The following RBM19 variants were observed in gnomAD, a reference collection of about 807,000 sequenced individuals.
The protein encoded by RBM19 is probable RNA-binding protein 19.
Under a neutral mutation model 116.8 loss-of-function variants are expected in RBM19, and 94 were observed. The ratio of observed to expected loss-of-function variants is 0.80; its 90% CI spans 0.68 to 0.95. The LOEUF is 0.95. Among genes scored for constraint, RBM19 ranks in the 40% least tolerant of loss-of-function variants. The pLI is 0.00. For missense variants in RBM19, 1,161 were observed against 1,220.7 expected (o/e 0.95, Z 0.73); for synonymous variants, 475 against 494.1 (o/e 0.96, Z 0.51).
chr12:113,921,164 T>C (rs999163430), intron 18 of RBM19, among the ~76,000 whole-genome samples: 1 of 152,196 alleles, frequency 6.6e-6, no homozygotes, highest in South Asian at 2.1e-4. Context: ...GATATAAAGT[T>C]TGGATCATGT....
intron 23 of RBM19, among the ~76,000 whole-genome samples, chr12:113,835,431 T>C (rs1464709478): frequency 6.6e-6 from 1 of 152,026 alleles, no homozygotes; most frequent in Non-Finnish European, 1.5e-5. Context: ...CGGCAGGCTG[T>C]GGTACTCGAG....
rs775051879 is a variant in RBM19 at position 113,898,455 on chromosome 12, C to T, written c.2558+16514G>A. Among the ~76,000 whole-genome samples the T allele has an allele frequency of 5.3e-5, 8 of 152,166 alleles. No individual in the cohort carries two copies. Among genetic ancestry groups the T allele is most frequent in the Non-Finnish European group, 1.2e-4 (8 of 68,024 alleles). ...ACCAACTGGCAACAAGAGATCAATT[C>T]ACTGGGATGAACAATGAAACATTTT... is the stretch of plus-strand genomic sequence containing the variant. On this transcript the variant is annotated intron_variant, in intron 21 of 23. Transcript: ENST00000261741. The surrounding 1 kb of genome is among the most constrained non-coding windows in gnomAD (Gnocchi z 4.3).
intron 21 of RBM19, among the ~76,000 whole-genome samples, chr12:113,892,306 C>T (rs564630781): frequency 2.0e-5 from 3 of 152,074 alleles, no homozygotes; most frequent in Admixed American, 1.3e-4. Flanking sequence ...CTCATCTGTG[C>T]GGTGGTGATA....
chr12:113,929,583 G>C (rs1869422608), intron 16 of RBM19, among the ~76,000 whole-genome samples: 1 of 152,230 alleles, frequency 6.6e-6, no homozygotes, highest in African/African-American at 2.4e-5. Context: ...ATGCAAGGCA[G>C]CTAAGACTTC....
rs767573998 is a variant in RBM19 at position 113,957,929 on chromosome 12, A to C, written c.693T>G (p.Asp231Glu). The C allele has an allele frequency of 4.9e-5, 79 of 1,614,022 alleles. No individual in the cohort carries two copies. Among genetic ancestry groups the C allele is most frequent in the Admixed American group, 1.7e-4 (10 of 59,996 alleles). The change falls in exon 6 of 24, where the codon GAT (aspartate) becomes GAG (glutamate). Residue 231 changes from aspartate (D) to glutamate (E), a missense_variant. By Grantham distance (45) the Asp-to-Glu change is conservative (BLOSUM62 2). Coordinates refer to ENST00000261741, the MANE Select transcript of RBM19 (RefSeq NM_016196.4). ...TCCCTTCATCACAGTGCACGGCTTC[A>C]TCTTCACTTTCCTCTTCCTCCGAGG... ...SSSSEEEESEDEAVHCDEGSE... is the reference protein window; with the variant it reads ...SSSSEEEESEEEAVHCDEGSE...
At position 113,957,858 on chromosome 12, in the gene RBM19, T is replaced by A. The variant is rs763938450; in HGVS notation, c.764A>T (p.Glu255Val). 6.8e-6 allele frequency: 11 copies of A among 1,613,964 alleles called. No individual in the cohort carries two copies. The highest frequency in any genetic ancestry group is 1.3e-5 in the African/African-American group (1 of 74,922). The change falls in exon 6 of 24, where the codon GAA becomes GTA. Residue 255 changes from glutamate (E) to valine (V), a missense_variant. Coordinates refer to ENST00000261741, the MANE Select transcript of RBM19 (RefSeq NM_016196.4). The stretch of plus-strand genomic sequence containing the variant: ...TTGGCCTGCACCCTTGCTGTCTCTT[T>A]CCTGCAGGACTGGGGTGGCGGAGGA... Reference protein sequence around the residue: ...EDSSATPVLQERDSKGAGQEQ... With the variant: ...EDSSATPVLQVRDSKGAGQEQ...
chr12:113,933,975 T>C (rs1183666632), intron 16 of RBM19, among the ~76,000 whole-genome samples: 3 of 152,180 alleles, frequency 2.0e-5, no homozygotes, highest in Non-Finnish European at 2.9e-5. Flanking sequence ...ATTTTTGAGA[T>C]AGGGTCTTGC....
chr12:113,897,124 T>C (rs2135818165), intron 21 of RBM19, among the ~76,000 whole-genome samples: 1 of 152,314 alleles, frequency 6.6e-6, no homozygotes, highest in East Asian at 1.9e-4. Flanking sequence ...CGGCAAGTAT[T>C]TATTATGATC....
chr12:113,934,947 C>A (rs1391775314), intron 16 of RBM19, among the ~76,000 whole-genome samples: 1 of 152,208 alleles, frequency 6.6e-6, no homozygotes, highest in Non-Finnish European at 1.5e-5. Context: ...AACCGAGCTT[C>A]CCTATGCCTG....
Position 113,844,661 on chromosome 12 carries a change from C to G in RBM19, c.2785+7G>C. 6.2e-7 allele frequency: 1 copy of G among 1,609,738 alleles called. No homozygotes were observed. The highest frequency in any genetic ancestry group is 8.5e-7 in the Non-Finnish European group (1 of 1,178,198). On this transcript the variant is annotated splice_region_variant and intron_variant, in intron 23 of 23. Coordinates refer to ENST00000261741, the MANE Select transcript of RBM19 (RefSeq NM_016196.4). ...TGAGTCAGCCCAAAAGACCGTCCCG[C>G]TCCTACCGTGAAAGTGAGCGGCCGT...
At chr12:113,932,277 G>C (rs577505201) in intron 16 of RBM19, among the ~76,000 whole-genome samples, 1 of 152,336 alleles carries the variant, frequency 6.6e-6, no homozygotes, top group South Asian at 2.1e-4. Context: ...TGATGAGAAT[G>C]AATGCAGAGC....
At chr12:113,914,090 A>G (rs915098699) in intron 21 of RBM19, among the ~76,000 whole-genome samples, 4 of 152,252 alleles carry the variant, frequency 2.6e-5, no homozygotes, top group African/African-American at 9.6e-5. Flanking sequence ...CAGCGTAGGG[A>G]TCACCAACTA....
chr12:113,936,333 A>G (rs1182371354), intron 16 of RBM19, among the ~76,000 whole-genome samples: 1 of 152,202 alleles, frequency 6.6e-6, no homozygotes, highest in African/African-American at 2.4e-5. Flanking sequence ...TTAGACTATG[A>G]GGTCCTCGAT....
rs547897025 is a variant in RBM19 at position 113,893,361 on chromosome 12, C to A, written c.2558+21608G>T. On this transcript the variant is annotated intron_variant, in intron 21 of 23. Transcript: ENST00000261741. ...GACATGCTGTTCTTGAACTTCTGGG[C>A]TCAAGCAATCCGCCCGCCTTGCCCT... Among the ~76,000 whole-genome samples the A allele has an allele frequency of 3.3e-5, 5 of 152,094 alleles. No individual in the cohort carries two copies. The South Asian group carries it at 1.0e-3, about 32-fold the overall frequency.
intron 21 of RBM19, among the ~76,000 whole-genome samples, chr12:113,863,862 A>G (rs1024516173): frequency 3.3e-5 from 5 of 152,186 alleles, no homozygotes; most frequent in South Asian, 2.1e-4. Flanking sequence ...AGCCTTTCAA[A>G]TATGCCACCC....
chr12:113,956,768 C>A (rs1270346065), intron 6 of RBM19, among the ~76,000 whole-genome samples: 2 of 151,996 alleles, frequency 1.3e-5, no homozygotes, highest in Admixed American at 6.6e-5. Context: ...CGACTTCAGA[C>A]CCCACAGACC....
intron 6 of RBM19, among the ~76,000 whole-genome samples, chr12:113,956,421 A>C (rs2135936471): frequency 6.6e-6 from 1 of 151,936 alleles, no homozygotes; most frequent in Admixed American, 6.5e-5. Context: ...TCTCTACTAA[A>C]AATACAAAAA....
chr12:113,883,348 A>G (rs1353635567), intron 21 of RBM19, among the ~76,000 whole-genome samples: 4 of 152,308 alleles, frequency 2.6e-5, no homozygotes, highest in African/African-American at 9.6e-5. Context: ...TGCAGACAGA[A>G]CCCTCTTTGA....
intron 22 of RBM19, among the ~76,000 whole-genome samples, chr12:113,846,514 C>T (rs1198897832): frequency 2.0e-5 from 3 of 152,066 alleles, no homozygotes; most frequent in Non-Finnish European, 2.9e-5. Context: ...ATTGGATGGC[C>T]ATGTGAAGAC....
Sources: allele counts gnomAD v4.1 joint callset (sites outside exome capture counted in the v4.1 genomes callset), GRCh38; gene constraint gnomAD v4.1.1; non-coding constraint Gnocchi (gnomAD v3.1); transcripts MANE v1.5; gene names NCBI Gene and HGNC (gene_info 2026-07-23, HGNC 2026-07-21).